CEP112: variants seen among roughly 807,000 people sequenced by gnomAD.
CEP112 encodes centrosomal protein of 112 kDa.
In CEP112, 127 loss-of-function variants were observed where a neutral mutation model predicts 153.0. The ratio of observed to expected loss-of-function variants is 0.83; its 90% CI spans 0.72 to 0.96. The LOEUF (loss-of-function observed/expected upper bound fraction) is 0.96. Ranked by LOEUF, CEP112 falls within the 40% of genes least tolerant of loss-of-function variation. The probability of loss-of-function intolerance (pLI) is 0.00; values close to 1 mark genes in which losing one functional copy is unlikely to be tolerated. For missense variants in CEP112, 1,089 were observed against 1,101.2 expected (o/e 0.99, Z 0.16); for synonymous variants, 358 against 374.4 (o/e 0.96, Z 0.51).
chr17:65,911,425 T>C (rs143156593), intron 19 of CEP112, among the ~76,000 whole-genome samples: 109 of 152,318 alleles, frequency 7.2e-4, no homozygotes, highest in African/African-American at 2.5e-3. Context: ...GCCCTCAAAA[T>C]TGAACCACAA....
intron 22 of CEP112, among the ~76,000 whole-genome samples, chr17:65,747,593 G>A (rs770648266): frequency 8.5e-5 from 13 of 152,184 alleles, no homozygotes; most frequent in South Asian, 4.2e-4. Flanking sequence ...TGTTTTAAGC[G>A]GACTAAACTC....
intron 23 of CEP112, among the ~76,000 whole-genome samples, chr17:65,704,770 T>A (rs2048832781): frequency 6.6e-6 from 1 of 152,182 alleles, no homozygotes; most frequent in Non-Finnish European, 1.5e-5. Flanking sequence ...TCACGCCAGA[T>A]AAAATGTTTT....
At position 66,148,089 on chromosome 17, in the gene CEP112, C is replaced by A. The variant is rs774716666; in HGVS notation, c.471-15326G>T. On this transcript the variant is annotated intron_variant, in intron 4 of 26. Transcript: ENST00000535342. ...TGGGGAGAAAAATAGGTTTAATGGA[C>A]TCACAGGTCCACATGGCTGGGGAGG... Among the ~76,000 whole-genome samples the A allele has an allele frequency of 7.4e-4, 113 of 152,142 alleles. 1 individual carries two copies. Among genetic ancestry groups the A allele is most frequent in the Non-Finnish European group, 1.5e-3 (100 of 68,024 alleles).
chr17:65,859,268 C>T (rs1457930032), intron 20 of CEP112, among the ~76,000 whole-genome samples: 7 of 151,344 alleles, frequency 4.6e-5, no homozygotes, highest in Admixed American at 1.3e-4. Flanking sequence ...TGGCAAAACC[C>T]GTCTCTACTG....
chr17:66,032,352 G>GAAA (rs56144670), intron 12 of CEP112, among the ~76,000 whole-genome samples: 3 of 146,542 alleles, frequency 2.0e-5, no homozygotes, highest in African/African-American at 7.6e-5. Context: ...GAAACCAAGT[G>GAAA]AAAAAAAAAA....
At chr17:66,127,914 A>C (rs987094764) in intron 6 of CEP112, among the ~76,000 whole-genome samples, 13 of 152,010 alleles carry the variant, frequency 8.6e-5, no homozygotes, top group African/African-American at 4.8e-5. Flanking sequence ...TCAGCCTTTC[A>C]ATCAGTCACT....
At chr17:65,714,317 T>C (rs2049371745) in intron 23 of CEP112, among the ~76,000 whole-genome samples, 1 of 152,208 alleles carries the variant, frequency 6.6e-6, no homozygotes, top group Non-Finnish European at 1.5e-5. Context: ...GCTTGTTACA[T>C]CTAATTTATT....
At chr17:66,115,042 T>C (rs1402272001) in intron 6 of CEP112, among the ~76,000 whole-genome samples, 3 of 151,976 alleles carry the variant, frequency 2.0e-5, no homozygotes, top group African/African-American at 4.8e-5. Context: ...CTGTCTCTAC[T>C]AAAAATATAA....
At chr17:66,121,133 A>G (rs2069564191) in intron 6 of CEP112, among the ~76,000 whole-genome samples, 1 of 152,010 alleles carries the variant, frequency 6.6e-6, no homozygotes, top group Admixed American at 6.6e-5. Context: ...ACAAAAAGTT[A>G]GGCGTGGTGG....
intron 4 of CEP112, among the ~76,000 whole-genome samples, chr17:66,135,738 C>T (rs966988779): frequency 6.6e-6 from 1 of 152,022 alleles, no homozygotes; most frequent in Non-Finnish European, 1.5e-5. Context: ...AATATTTCAA[C>T]AGGAATTCAC....
intron 17 of CEP112, among the ~76,000 whole-genome samples, chr17:66,003,021 T>A (rs1252923017): frequency 6.6e-6 from 1 of 152,244 alleles, no homozygotes; most frequent in Non-Finnish European, 1.5e-5. Flanking sequence ...AGTCACAATA[T>A]TCTCCTTTGG....
At chr17:65,657,830 T>C (rs570696486) in intron 24 of CEP112, among the ~76,000 whole-genome samples, 3 of 152,288 alleles carry the variant, frequency 2.0e-5, no homozygotes, top group South Asian at 2.1e-4. Context: ...AATTTATACA[T>C]AGAAGTAAGG....
At chr17:65,928,753 A>G (rs7218629) in intron 18 of CEP112, among the ~76,000 whole-genome samples, 12,653 of 152,174 alleles carry the variant, frequency 0.083, 907 homozygotes, top group African/African-American at 0.18. Flanking sequence ...AGTCTCAGCT[A>G]TTCGAGAGGC....
chr17:65,789,902 G>C (rs1461539456), intron 21 of CEP112, among the ~76,000 whole-genome samples: 2 of 152,142 alleles, frequency 1.3e-5, no homozygotes, highest in Non-Finnish European at 2.9e-5. Flanking sequence ...TAGCTTCCTT[G>C]AGAGAACTGG....
rs568161272 is a variant in CEP112, at chr17:66,016,895, T to C, written c.1656+10606A>G. ...TTACGAGTCCAAGCTCATAATCAGATGGCATGGATTTGTGTCCCTGTTCCT... is the reference window on the plus strand; with the variant it reads ...TTACGAGTCCAAGCTCATAATCAGACGGCATGGATTTGTGTCCCTGTTCCT... On this transcript the variant is annotated intron_variant, in intron 16 of 26. Coordinates refer to ENST00000535342, the MANE Select transcript of CEP112 (RefSeq NM_001199165.4). Among the ~76,000 whole-genome samples, 90 of 152,336 alleles carry C rather than the reference T, an allele frequency of 5.9e-4. 1 individual carries two copies. In the South Asian group the frequency reaches 0.018, roughly 31 times the overall value.
intron 24 of CEP112, among the ~76,000 whole-genome samples, chr17:65,677,125 G>T (rs72841598): frequency 0.076 from 11,526 of 152,158 alleles, 691 homozygotes; most frequent in Admixed American, 0.18. Context: ...TGGACAATCT[G>T]GCTGTCAGCG....
intron 24 of CEP112, among the ~76,000 whole-genome samples, chr17:65,667,728 T>A (rs2046766955): frequency 6.6e-6 from 1 of 152,128 alleles, no homozygotes. Context: ...TAAAATCAGT[T>A]TGTGATATTT....
Position 66,129,853 on chromosome 17 carries a change from A to G in CEP112, c.565-30T>C, listed in dbSNP as rs1402815849. Reference sequence around the variant, plus strand: ...AATACAAAAGGGAAAAAGGAAGAGGAGAGGAAGGAAAGATGGAAGAAATAA... The same window carrying G: ...AATACAAAAGGGAAAAAGGAAGAGGGGAGGAAGGAAAGATGGAAGAAATAA... On this transcript the variant is annotated intron_variant, in intron 5 of 26. Transcript: ENST00000535342. 2.8e-6 allele frequency: 4 copies of G among 1,409,458 alleles called. No homozygotes were observed. The South Asian group carries it at 3.6e-5, about 13-fold the overall frequency. The allele number at this position is 1,409,458 out of a possible 1,614,324, so 87.3% of individuals were successfully genotyped here.
intron 20 of CEP112, among the ~76,000 whole-genome samples, chr17:65,884,570 G>A (rs2059202008): frequency 6.6e-6 from 1 of 152,110 alleles, no homozygotes; most frequent in African/African-American, 2.4e-5. Context: ...ACAAGTCTAT[G>A]AAACATTCTA....
Sources: allele counts gnomAD v4.1 joint callset (sites outside exome capture counted in the v4.1 genomes callset), GRCh38; gene constraint gnomAD v4.1.1; transcripts MANE v1.5; gene names NCBI Gene and HGNC (gene_info 2026-07-23, HGNC 2026-07-21).